Variants in EYA2 observed in about 807,000 individuals in gnomAD.
EYA2 encodes protein phosphatase EYA2.
In EYA2, 31 loss-of-function variants were observed where a neutral mutation model predicts 69.2. The observed-to-expected ratio is 0.45, with a 90% CI of 0.34 to 0.60. The LOEUF (loss-of-function observed/expected upper bound fraction) is 0.60, where lower values mean the gene tolerates loss of function less well. Ranked by LOEUF, EYA2 falls within the 20% of genes least tolerant of loss-of-function variation. The pLI is 0.02. For synonymous variants in EYA2, 257 were observed against 279.4 expected (o/e 0.92, Z 0.80); for missense variants, 622 against 701.2 (o/e 0.89, Z 1.28).
At chr20:47,175,084 C>T (rs1600771542) in intron 12 of EYA2, among the ~76,000 whole-genome samples, 1 of 152,226 alleles carries the variant, frequency 6.6e-6, no homozygotes. Context: ...TGTCAGGCTG[C>T]TCTGCTCACC....
chr20:47,003,051 A>G (rs1054742912), intron 3 of EYA2, among the ~76,000 whole-genome samples: 2 of 152,256 alleles, frequency 1.3e-5, no homozygotes, highest in Admixed American at 1.3e-4. Context: ...AATCAGATAC[A>G]GATTGGGGAA....
In EYA2 at chr20:46,894,929, C is replaced by T. The variant is rs564698072; in HGVS notation, c.-69C>T. The T allele has an allele frequency of 8.6e-5, 13 of 151,666 alleles. No homozygotes were observed. Among genetic ancestry groups the T allele is most frequent in the African/African-American group, 3.1e-4 (13 of 41,480 alleles). 9.4% of individuals were successfully genotyped at this position (151,666 alleles called of 1,614,324 possible). ...CCGCAGTCAGCCCGGCCTCGTCGGACCCGCACCGGCCCGCCCGCCCGCCCG... is the reference window on the plus strand; with the variant it reads ...CCGCAGTCAGCCCGGCCTCGTCGGATCCGCACCGGCCCGCCCGCCCGCCCG... On this transcript the variant is annotated 5_prime_UTR_variant, in exon 1 of 16. Transcript: ENST00000327619.
At chr20:46,961,763 C>T (rs1333261231) in intron 1 of EYA2, among the ~76,000 whole-genome samples, 4 of 152,142 alleles carry the variant, frequency 2.6e-5, no homozygotes, top group South Asian at 2.1e-4. Flanking sequence ...GTAAAATAAG[C>T]GAGGAGCAGA....
intron 1 of EYA2, among the ~76,000 whole-genome samples, chr20:46,988,607 C>G (rs1981447997): frequency 1.3e-5 from 2 of 152,348 alleles, no homozygotes; most frequent in South Asian, 4.1e-4. Flanking sequence ...TTAAATGTTA[C>G]TGGTTGTAGT....
At chr20:46,916,484 GTAT>G (rs1984912027) in intron 1 of EYA2, among the ~76,000 whole-genome samples, 1 of 151,948 alleles carries the variant, frequency 6.6e-6, no homozygotes, top group Non-Finnish European at 1.5e-5. Flanking sequence ...GAGTATGAAG[GTAT>G]TATGTGTGTG....
At chr20:47,109,901 C>T (rs531396180) in intron 9 of EYA2, among the ~76,000 whole-genome samples, 2 of 152,284 alleles carry the variant, frequency 1.3e-5, no homozygotes, top group Admixed American at 6.5e-5. Flanking sequence ...GATGATTGGG[C>T]CCTCCGGGTC....
chr20:47,057,177 G>A lies in EYA2; in HGVS notation c.416-15008G>A, dbSNP rs1413072707. On this transcript the variant is annotated intron_variant, in intron 5 of 15. Coordinates refer to ENST00000327619, the MANE Select transcript of EYA2 (RefSeq NM_005244.5). ...AGGAAGGAAGGAAGGAAGGAAGGAAGGAAGGAATCTCAGCACGTACTAGGC... is the reference window on the plus strand; with the variant it reads ...AGGAAGGAAGGAAGGAAGGAAGGAAAGAAGGAATCTCAGCACGTACTAGGC... 2.1e-5 allele frequency among the ~76,000 whole-genome samples: 3 copies of A among 143,434 alleles called. No homozygotes were observed. In the East Asian group the frequency reaches 6.0e-4, roughly 28 times the overall value. The allele number at this position is 143,434 out of a possible 152,430, so 94.1% of individuals were successfully genotyped here. A position where few individuals can be genotyped will look rare whatever the true frequency, so the allele number is the denominator to read the frequency against.
intron 5 of EYA2, among the ~76,000 whole-genome samples, chr20:47,031,149 G>T (rs145867910): frequency 6.6e-6 from 1 of 152,330 alleles, no homozygotes; most frequent in Non-Finnish European, 1.5e-5. Flanking sequence ...ACAGGGAGAT[G>T]TAACAAAGAG....
At chr20:47,071,157 A>G (rs576947026) in intron 5 of EYA2, among the ~76,000 whole-genome samples, 3 of 152,016 alleles carry the variant, frequency 2.0e-5, no homozygotes, top group Non-Finnish European at 2.9e-5. Context: ...TTACAGGCAC[A>G]CACCACCACG....
chr20:47,166,626 C>T (rs2034203007), intron 10 of EYA2, among the ~76,000 whole-genome samples: 1 of 151,854 alleles, frequency 6.6e-6, no homozygotes, highest in Admixed American at 6.6e-5. Flanking sequence ...CGAGAAATCA[C>T]CTTGCAACTA....
At chr20:47,061,464 A>G (rs956598273) in intron 5 of EYA2, among the ~76,000 whole-genome samples, 1 of 152,102 alleles carries the variant, frequency 6.6e-6, no homozygotes, top group Non-Finnish European at 1.5e-5. Flanking sequence ...CCAGGAAGTC[A>G]AGGCTGCATT....
intron 5 of EYA2, among the ~76,000 whole-genome samples, chr20:47,050,561 G>C (rs1479684053): frequency 6.6e-6 from 1 of 152,190 alleles, no homozygotes; most frequent in African/African-American, 2.4e-5. Flanking sequence ...TGAAAGCCAA[G>C]GTCCGCAGCT....
Position 47,159,717 on chromosome 20 carries a change from C to T in EYA2, c.979-9422C>T, listed in dbSNP as rs945325919. Among the ~76,000 whole-genome samples, 5 of 152,158 alleles carry T rather than the reference C, an allele frequency of 3.3e-5. No individual in the cohort carries two copies. In the East Asian group the frequency reaches 9.8e-4, roughly 30 times the overall value. On this transcript the variant is annotated intron_variant, in intron 10 of 15. Transcript: ENST00000327619. Reference sequence around the variant, plus strand: ...ATCTAAAACTATTCCAGGCCAGCCACGGTGGCTCATGCCTGGAATCCCAGC... The same window carrying T: ...ATCTAAAACTATTCCAGGCCAGCCATGGTGGCTCATGCCTGGAATCCCAGC...
chr20:47,058,061 C>A (rs745895131), intron 5 of EYA2, among the ~76,000 whole-genome samples: 2 of 152,220 alleles, frequency 1.3e-5, no homozygotes, highest in Non-Finnish European at 2.9e-5. Flanking sequence ...CTAATGCCAA[C>A]AACTGAAAGT....
chr20:47,118,279 C>G (rs1032609386), intron 9 of EYA2, among the ~76,000 whole-genome samples: 24 of 152,170 alleles, frequency 1.6e-4, no homozygotes, highest in Non-Finnish European at 5.9e-5. Context: ...GGTGTTTAGT[C>G]TTTGTGGCTA....
chr20:47,132,178 G>T (rs1423322191), intron 9 of EYA2, among the ~76,000 whole-genome samples: 8 of 152,098 alleles, frequency 5.3e-5, no homozygotes, highest in African/African-American at 1.4e-4. Context: ...TCAGTTCCTG[G>T]GCTCAAGCGA....
chr20:47,096,164 AT>A (rs1397793965), intron 8 of EYA2: 8 of 152,236 alleles, frequency 5.3e-5, no homozygotes, highest in Non-Finnish European at 1.0e-4. Flanking sequence ...AGTAAAGAGA[AT>A]ACATACAATG....
chr20:46,973,536 C>A (rs1205942189), intron 1 of EYA2, among the ~76,000 whole-genome samples: 1 of 152,154 alleles, frequency 6.6e-6, no homozygotes, highest in Non-Finnish European at 1.5e-5. Context: ...AATAGAAAAT[C>A]TCCATAGTTT....
intron 4 of EYA2, among the ~76,000 whole-genome samples, chr20:47,011,398 T>C (rs1983048166): frequency 6.6e-6 from 1 of 152,156 alleles, no homozygotes; most frequent in Non-Finnish European, 1.5e-5. Context: ...GTCTCTCCTC[T>C]GCTCAGATCC....
Sources: allele counts gnomAD v4.1 joint callset (sites outside exome capture counted in the v4.1 genomes callset), GRCh38; gene constraint gnomAD v4.1.1; transcripts MANE v1.5; gene names NCBI Gene and HGNC (gene_info 2026-07-23, HGNC 2026-07-21).